The following ACYP2 variants were observed in gnomAD, a reference collection of about 807,000 sequenced individuals.
ACYP2 encodes the protein acylphosphatase-2.
In ACYP2, 12 loss-of-function variants were observed where a neutral mutation model predicts 11.2. The ratio of observed to expected loss-of-function variants is 1.08; its 90% CI spans 0.69 to 1.74. The LOEUF (loss-of-function observed/expected upper bound fraction) is 1.74, where lower values mean the gene tolerates loss of function less well. Ranked by LOEUF, ACYP2 falls within the 40% of genes most tolerant of loss-of-function variation. The pLI, the probability that ACYP2 is intolerant of heterozygous loss-of-function variation, is 0.00. For synonymous variants in ACYP2, 43 were observed against 32.2 expected, an observed-to-expected ratio of 1.33 and a Z score of -1.13; for missense variants, 134 against 101.9, an observed-to-expected ratio of 1.31 and a Z score of -1.35.
chr2:54,255,697 G>A, intron 6 of ACYP2: 1 of 1,613,916 alleles, frequency 6.2e-7, no homozygotes, highest in Non-Finnish European at 8.5e-7. Context: ...ACACTCCTCA[G>A]GCTTCACGTC....
At chr2:54,191,805 C>T (rs1684252189) in intron 6 of ACYP2, among the ~76,000 whole-genome samples, 1 of 152,116 alleles carries the variant, frequency 6.6e-6, no homozygotes. Flanking sequence ...GTCATCTTAA[C>T]CTGCTTCATT....
intron 2 of ACYP2, among the ~76,000 whole-genome samples, chr2:53,977,516 C>T (rs1175947220): frequency 2.6e-5 from 4 of 151,942 alleles, no homozygotes; most frequent in African/African-American, 4.8e-5. Flanking sequence ...GGGCAGATCA[C>T]GAGGTCAAGA....
At chr2:54,044,688 A>G (rs1481596389) in intron 2 of ACYP2, among the ~76,000 whole-genome samples, 1 of 152,126 alleles carries the variant, frequency 6.6e-6, no homozygotes, top group African/African-American at 2.4e-5. Flanking sequence ...TTTTCCCATA[A>G]TCAGGGTGAA....
chr2:54,014,161 GA>G lies in ACYP2; in HGVS notation c.63-36786del, dbSNP rs890428878. 3.3e-3 allele frequency among the ~76,000 whole-genome samples: 473 copies of G among 143,436 alleles called. 3 individuals are homozygous for G. The highest frequency in any genetic ancestry group is 9.8e-3 in the African/African-American group (386 of 39,272). The allele number at this position is 143,436 out of a possible 152,430, so 94.1% of individuals were successfully genotyped here. A position where few individuals can be genotyped will look rare whatever the true frequency, so the allele number is the denominator to read the frequency against. ...AGACAAGAGCAAAAAAACTCCGTCT[GA>G]AAAAAAAAAAGAAAGAAACTCAGTA... is the stretch of plus-strand genomic sequence containing the variant. On this transcript the variant is annotated intron_variant, in intron 2 of 6. Transcript: ENST00000607452.
At chr2:54,170,308 ATGCCTGG>A (rs1293527526) in intron 6 of ACYP2, among the ~76,000 whole-genome samples, 1 of 152,072 alleles carries the variant, frequency 6.6e-6, no homozygotes, top group Non-Finnish European at 1.5e-5. Flanking sequence ...GTGTGTCACC[ATGCCTGG>A]CTCATTTTTG....
intron 6 of ACYP2, among the ~76,000 whole-genome samples, chr2:54,156,051 C>T (rs1053087524): frequency 6.6e-6 from 1 of 152,150 alleles, no homozygotes; most frequent in Admixed American, 6.5e-5. Context: ...ATATGCCAGG[C>T]ACTGTTTTTG....
intron 4 of ACYP2, among the ~76,000 whole-genome samples, chr2:54,099,682 G>A (rs1678787851): frequency 6.6e-6 from 1 of 152,056 alleles, no homozygotes; most frequent in Non-Finnish European, 1.5e-5. Context: ...TCCACTGATG[G>A]ACACTCAGGT....
At chr2:54,251,358 TG>T (rs1475740748) in intron 6 of ACYP2, among the ~76,000 whole-genome samples, 1 of 138,348 alleles carries the variant, frequency 7.2e-6, no homozygotes, top group Non-Finnish European at 1.6e-5. Context: ...AAAAATAATG[TG>T]TTTTTTTTTG....
chr2:54,298,095 A>G (rs1689589524), intron 6 of ACYP2, among the ~76,000 whole-genome samples: 1 of 152,248 alleles, frequency 6.6e-6, no homozygotes, highest in African/African-American at 2.4e-5. Context: ...TACTGGTTTT[A>G]TATTCTAAAA....
At chr2:54,034,513 G>A (rs1175379295) in intron 2 of ACYP2, among the ~76,000 whole-genome samples, 1 of 152,192 alleles carries the variant, frequency 6.6e-6, no homozygotes, top group Non-Finnish European at 1.5e-5. Flanking sequence ...AGGAGTGATA[G>A]TCTATCCCCT....
At chr2:53,982,038 A>C (rs918427215) in intron 2 of ACYP2, among the ~76,000 whole-genome samples, 3 of 152,210 alleles carry the variant, frequency 2.0e-5, no homozygotes, top group Non-Finnish European at 2.9e-5. Flanking sequence ...CCTCATAATC[A>C]AATATAGTAA....
At chr2:54,124,880 G>T (rs558097882) in intron 4 of ACYP2, among the ~76,000 whole-genome samples, 24 of 152,002 alleles carry the variant, frequency 1.6e-4, no homozygotes, top group Admixed American at 3.3e-4. Context: ...AGACGCATGT[G>T]CTAACTAGAG....
At chr2:54,198,127 C>T (rs1159387910) in intron 6 of ACYP2, among the ~76,000 whole-genome samples, 1 of 152,034 alleles carries the variant, frequency 6.6e-6, no homozygotes, top group Admixed American at 6.6e-5. Context: ...TCAAGTGATT[C>T]TCCTGCCTTA....
intron 6 of ACYP2, among the ~76,000 whole-genome samples, chr2:54,296,381 A>T (rs1472671211): frequency 6.6e-6 from 1 of 152,218 alleles, no homozygotes; most frequent in African/African-American, 2.4e-5. Context: ...CTCTGAGGGG[A>T]CCAATAGTTG....
At chr2:54,135,115 G>A (rs867979573) in intron 4 of ACYP2, among the ~76,000 whole-genome samples, 3 of 152,064 alleles carry the variant, frequency 2.0e-5, no homozygotes, top group Non-Finnish European at 2.9e-5. Context: ...AGGGTTACTC[G>A]AACACAAGCA....
intron 6 of ACYP2, among the ~76,000 whole-genome samples, chr2:54,210,332 T>C (rs1685281711): frequency 6.6e-6 from 1 of 152,154 alleles, no homozygotes; most frequent in African/African-American, 2.4e-5. Flanking sequence ...TTTTATTATG[T>C]TACTTACATT....
intron 2 of ACYP2, among the ~76,000 whole-genome samples, chr2:54,039,144 G>A (rs1270299576): frequency 6.6e-6 from 1 of 151,826 alleles, no homozygotes; most frequent in Non-Finnish European, 1.5e-5. Context: ...GGGAGAGAAT[G>A]GGCAGTGAGC....
At chr2:54,124,707 T>A (rs13384747) in intron 4 of ACYP2, among the ~76,000 whole-genome samples, 7,829 of 152,056 alleles carry the variant, frequency 0.051, 624 homozygotes, top group African/African-American at 0.18. Context: ...TTATTTGTTT[T>A]TTTATTTGTT....
chr2:54,254,814 G>A, intron 6 of ACYP2: 1 of 1,168,700 alleles, frequency 8.6e-7, no homozygotes, highest in Non-Finnish European at 1.2e-6. Flanking sequence ...GTACAGGAAA[G>A]TCAGAACAAA....
Sources: allele counts gnomAD v4.1 joint callset (sites outside exome capture counted in the v4.1 genomes callset), GRCh38; gene constraint gnomAD v4.1.1; transcripts MANE v1.5; gene names NCBI Gene and HGNC (gene_info 2026-07-23, HGNC 2026-07-21).